RASA2: variants seen among roughly 807,000 people sequenced by gnomAD.
RASA2 encodes RAS p21 protein activator 2.
A neutral mutation model predicts 118.2 loss-of-function variants in RASA2; 155 were observed. The observed-to-expected ratio is 1.31, with a 90% confidence interval of 1.15 to 1.50. The LOEUF is 1.50. Among genes scored for constraint, RASA2 ranks in the 40% most tolerant of loss-of-function variants. The pLI, the probability that RASA2 is intolerant of heterozygous loss-of-function variation, is 0.00. For synonymous variants in RASA2, 353 were observed against 349.1 expected (o/e 1.01, Z -0.12); for missense variants, 1,016 against 1,009.6 (o/e 1.01, Z -0.09).
At chr3:141,491,968 T>A (rs1372350139) in intron 1 of RASA2, among the ~76,000 whole-genome samples, 1 of 152,216 alleles carries the variant, frequency 6.6e-6, no homozygotes, top group East Asian at 1.9e-4. Context: ...GGTGTATTCA[T>A]GCTAAGAGTT....
rs1235489668 is a variant in RASA2, at chr3:141,516,375, A to G, written c.299A>G (p.Gln100Arg). 2.5e-6 allele frequency: 4 copies of G among 1,568,960 alleles called. No homozygotes were observed. The East Asian group carries it at 7.0e-5, about 28-fold the overall frequency. The change falls in exon 3 of 24, where the codon CAG becomes CGG. Residue 100 changes from glutamine to arginine, a missense_variant. Coordinates refer to ENST00000286364, the MANE Select transcript of RASA2 (RefSeq NM_006506.5). ...EFYFEIPRTF[Q>R]YLSFYVYDKN... ...TACTTTGAGATTCCAAGAACTTTCCAGTATTTGTCTTTCTATGTTTATGAT... is the reference window on the plus strand; with the variant it reads ...TACTTTGAGATTCCAAGAACTTTCCGGTATTTGTCTTTCTATGTTTATGAT...
Position 141,613,362 on chromosome 3 carries a change from T to C in RASA2, c.*1049T>C, listed in dbSNP as rs951535718. The C allele has an allele frequency of 5.3e-5, 8 of 152,326 alleles. No homozygotes were observed. Among genetic ancestry groups the C allele is most frequent in the Non-Finnish European group, 8.8e-5 (6 of 68,028 alleles). The allele number at this position is 152,326 out of a possible 1,614,324, so 9.4% of individuals were successfully genotyped here. ...TAATGCTTTCCTGAAAATGTTTATA[T>C]TTCATTGCTGTTTCCTTATTGCCTG... On this transcript the variant is annotated 3_prime_UTR_variant, in exon 24 of 24. Transcript: ENST00000286364.
intron 1 of RASA2, among the ~76,000 whole-genome samples, chr3:141,494,588 C>T (rs528329637): frequency 3.9e-5 from 6 of 152,208 alleles, no homozygotes; most frequent in African/African-American, 1.2e-4. Context: ...AGGATGGTCT[C>T]GATCTCCTGA....
intron 1 of RASA2, among the ~76,000 whole-genome samples, chr3:141,502,096 G>C (rs2081791893): frequency 1.3e-5 from 2 of 151,976 alleles, no homozygotes; most frequent in African/African-American, 4.8e-5. Context: ...ATGCACAACT[G>C]GTAAGTATAT....
intron 17 of RASA2, among the ~76,000 whole-genome samples, chr3:141,584,692 A>T (rs1192550869): frequency 1.3e-5 from 2 of 152,196 alleles, no homozygotes; most frequent in African/African-American, 2.4e-5. Flanking sequence ...TGCTGATCAC[A>T]TAAGGTCTCT....
intron 19 of RASA2, among the ~76,000 whole-genome samples, chr3:141,606,649 AAT>A (rs1236757976): frequency 6.6e-6 from 1 of 152,150 alleles, no homozygotes; most frequent in Non-Finnish European, 1.5e-5. Flanking sequence ...CATTTGCTTG[AAT>A]TACATAAATT....
At chr3:141,605,181 G>C (rs1021573580) in intron 19 of RASA2, among the ~76,000 whole-genome samples, 1 of 151,982 alleles carries the variant, frequency 6.6e-6, no homozygotes, top group African/African-American at 2.4e-5. Context: ...ATCCTGCTTA[G>C]TACTTGGTGG....
intron 19 of RASA2, among the ~76,000 whole-genome samples, chr3:141,603,052 A>G (rs974058201): frequency 2.6e-5 from 4 of 152,222 alleles, no homozygotes; most frequent in African/African-American, 7.2e-5. Context: ...TAGGAAGACC[A>G]TAAATCCACA....
chr3:141,590,377 T>C (rs1365545011), intron 19 of RASA2, among the ~76,000 whole-genome samples: 1 of 152,240 alleles, frequency 6.6e-6, no homozygotes, highest in Non-Finnish European at 1.5e-5. Context: ...CTTAAATTTC[T>C]TGTGATGTCT....
intron 1 of RASA2, among the ~76,000 whole-genome samples, chr3:141,497,372 A>G (rs910842372): frequency 6.6e-6 from 1 of 151,772 alleles, no homozygotes; most frequent in Admixed American, 6.6e-5. Context: ...TTGATTTCCT[A>G]TAGGGAGTAT....
At chr3:141,576,216 G>A (rs953216761) in intron 14 of RASA2, among the ~76,000 whole-genome samples, 11 of 152,034 alleles carry the variant, frequency 7.2e-5, no homozygotes, top group African/African-American at 2.2e-4. Context: ...ATATTCTCTC[G>A]TTTTTGTTGT....
At chr3:141,535,309 T>G (rs755078535) in intron 4 of RASA2, among the ~76,000 whole-genome samples, 1 of 152,242 alleles carries the variant, frequency 6.6e-6, no homozygotes, top group Non-Finnish European at 1.5e-5. Context: ...ATTTGCTTTA[T>G]TGAAGTGGTC....
intron 9 of RASA2, among the ~76,000 whole-genome samples, chr3:141,561,390 T>G (rs1228492373): frequency 6.6e-6 from 1 of 152,206 alleles, no homozygotes; most frequent in Admixed American, 6.5e-5. Context: ...GCAGCTTCCT[T>G]GGCAGTATGT....
intron 3 of RASA2, among the ~76,000 whole-genome samples, chr3:141,519,878 T>G (rs536353714): frequency 1.4e-4 from 22 of 152,102 alleles, no homozygotes; most frequent in Non-Finnish European, 2.9e-4. Flanking sequence ...ACTAATATAT[T>G]AGGGTCTGTG....
intron 1 of RASA2, among the ~76,000 whole-genome samples, chr3:141,488,017 T>A (rs1230700241): frequency 6.6e-6 from 1 of 152,206 alleles, no homozygotes; most frequent in Non-Finnish European, 1.5e-5. Context: ...TTCTCATGCG[T>A]GTAATTGCTA....
chr3:141,586,015 C>T lies in RASA2; in HGVS notation c.1753-10C>T, dbSNP rs538802623. The T allele has an allele frequency of 6.3e-7, 1 of 1,599,948 alleles. No homozygotes were observed. Among genetic ancestry groups the T allele is most frequent in the South Asian group, 1.1e-5 (1 of 90,510 alleles). On this transcript the variant is annotated splice_polypyrimidine_tract_variant and intron_variant, in intron 17 of 23. Transcript: ENST00000286364. ...CACACAGTGTAATATTTGCCCATTT[C>T]CCCATTTAGTTCTTGGATGAAATTT...
intron 19 of RASA2, chr3:141,600,375 T>C: frequency 4.0e-6 from 2 of 497,018 alleles, no homozygotes; most frequent in Middle Eastern, 4.2e-4. Context: ...TTGTCGGAGG[T>C]GTCAGTCTTC....
chr3:141,598,748 G>A (rs1306389959), intron 19 of RASA2, among the ~76,000 whole-genome samples: 7 of 151,998 alleles, frequency 4.6e-5, no homozygotes, highest in South Asian at 2.1e-4. Flanking sequence ...ACCCTTTACA[G>A]TAGTTCCCCC....
At chr3:141,501,933 C>A (rs972868887) in intron 1 of RASA2, among the ~76,000 whole-genome samples, 1 of 151,494 alleles carries the variant, frequency 6.6e-6, no homozygotes, top group African/African-American at 2.4e-5. Context: ...TCCTGAAGTT[C>A]TACTGTTCTG....
Sources: allele counts gnomAD v4.1 joint callset (sites outside exome capture counted in the v4.1 genomes callset), GRCh38; gene constraint gnomAD v4.1.1; transcripts MANE v1.5; gene names NCBI Gene and HGNC (gene_info 2026-07-23, HGNC 2026-07-21).